MSI2: variants seen among roughly 807,000 people sequenced by gnomAD.
MSI2 encodes musashi RNA binding protein 2.
In MSI2, 17 loss-of-function variants were observed where a neutral mutation model predicts 45.6. The observed-to-expected ratio is 0.37, with a 90% confidence interval of 0.26 to 0.56. MSI2 has a LOEUF of 0.56. MSI2 is among the 20% of genes least tolerant of loss of function. MSI2 has a pLI of 0.77. For synonymous variants in MSI2, 156 were observed against 158.2 expected, an observed-to-expected ratio of 0.99 and a Z score of 0.11; for missense variants, 293 against 444.2, an observed-to-expected ratio of 0.66 and a Z score of 3.06.
At position 57,401,479 on chromosome 17, in the gene MSI2, C is replaced by CTGGATGGGGT. The variant is rs1433173404; in HGVS notation, c.405+16_405+25dup. ...TTCGAGCAGTTTGGCAAGGTAAGCG[C>CTGGATGGGGT]TGGATGGGGTTGGATGGCACATGCC... On this transcript the variant is annotated intron_variant, in intron 6 of 13. Coordinates refer to ENST00000284073, the MANE Select transcript of MSI2 (RefSeq NM_138962.4). 2 of 1,612,424 alleles carry CTGGATGGGGT rather than the reference C, an allele frequency of 1.2e-6. No individual in the cohort carries two copies. Among genetic ancestry groups the CTGGATGGGGT allele is most frequent in the Non-Finnish European group, 1.7e-6 (2 of 1,178,426 alleles).
intron 10 of MSI2, chr17:57,633,132 T>G (rs1567950178): frequency 2.9e-6 from 3 of 1,025,206 alleles, no homozygotes; most frequent in African/African-American, 3.4e-5. Flanking sequence ...GACGTTTTAT[T>G]TTTTTTCCCC....
chr17:57,437,697 C>G (rs2084715105), intron 6 of MSI2, among the ~76,000 whole-genome samples: 1 of 151,962 alleles, frequency 6.6e-6, no homozygotes, highest in East Asian at 1.9e-4. Flanking sequence ...AAAAGGTAAA[C>G]AGAGAACCCT....
intron 6 of MSI2, among the ~76,000 whole-genome samples, chr17:57,409,291 T>C (rs2084143917): frequency 6.6e-6 from 1 of 152,234 alleles, no homozygotes; most frequent in South Asian, 2.1e-4. Context: ...CTTTCTTTTC[T>C]ATCCAAGTTG....
At chr17:57,328,525 A>T (rs1914005093) in intron 5 of MSI2, among the ~76,000 whole-genome samples, 1 of 152,190 alleles carries the variant, frequency 6.6e-6, no homozygotes, top group African/African-American at 2.4e-5. Flanking sequence ...CACATTATAA[A>T]ATTAGACCCC....
chr17:57,515,580 T>C, intron 6 of MSI2, among the ~76,000 whole-genome samples: 1 of 152,168 alleles, frequency 6.6e-6, no homozygotes, highest in Non-Finnish European at 1.5e-5. Flanking sequence ...CGCTTATTTT[T>C]GTATTAATCC....
intron 6 of MSI2, among the ~76,000 whole-genome samples, chr17:57,500,963 GA>G (rs568851594): frequency 3.6e-3 from 514 of 141,846 alleles, no homozygotes; most frequent in African/African-American, 7.4e-3. Flanking sequence ...ACCCTGTCTT[GA>G]AAAAAAAAAA....
chr17:57,264,079 G>A (rs1907557149), intron 5 of MSI2: 1 of 152,162 alleles, frequency 6.6e-6, no homozygotes, highest in Non-Finnish European at 1.5e-5. Context: ...GAAGGTTTTT[G>A]TGTAGAGTAA....
At position 57,552,428 on chromosome 17, in the gene MSI2, G is replaced by C. The variant is rs963191496; in HGVS notation, c.454+22704G>C. Among the ~76,000 whole-genome samples the C allele has an allele frequency of 3.9e-5, 6 of 152,028 alleles. No individual in the cohort carries two copies. The highest frequency in any genetic ancestry group is 6.6e-5 in the Admixed American group (1 of 15,256). On this transcript the variant is annotated intron_variant, in intron 7 of 13. Transcript: ENST00000284073. The surrounding 1 kb of genome is among the most constrained non-coding windows in gnomAD (Gnocchi z 4.3). ...CTGCCCTGCTGCATCCAGCCCCTGG[G>C]TCTTCCACCTCCTGGCACGCTCTAG...
At chr17:57,676,052 C>T (rs979957287) in intron 12 of MSI2, among the ~76,000 whole-genome samples, 7 of 152,210 alleles carry the variant, frequency 4.6e-5, no homozygotes, top group Non-Finnish European at 8.8e-5. Context: ...AAGATGGGTG[C>T]GTCTGCAGTC....
At chr17:57,654,409 A>T (rs935808890) in intron 11 of MSI2, among the ~76,000 whole-genome samples, 1 of 152,240 alleles carries the variant, frequency 6.6e-6, no homozygotes, top group African/African-American at 2.4e-5. Context: ...TCTGCCAGTA[A>T]GGGGACTGTC....
intron 7 of MSI2, among the ~76,000 whole-genome samples, chr17:57,531,143 C>T (rs2086813518): frequency 6.6e-6 from 1 of 152,170 alleles, no homozygotes; most frequent in Non-Finnish European, 1.5e-5. Context: ...CATCCACATT[C>T]TGTCAATCTA....
At chr17:57,390,041 C>T (rs1032955227) in intron 5 of MSI2, among the ~76,000 whole-genome samples, 4 of 145,670 alleles carry the variant, frequency 2.7e-5, no homozygotes, top group African/African-American at 1.0e-4. Context: ...AGCTTGAGAC[C>T]AGCCTGCGTA....
intron 6 of MSI2, among the ~76,000 whole-genome samples, chr17:57,425,624 C>T (rs191920950): frequency 4.9e-4 from 75 of 152,306 alleles, no homozygotes; most frequent in African/African-American, 1.7e-3. Context: ...GATTGACTTA[C>T]GCAAACCCTT....
chr17:57,321,594 G>T (rs1913350483), intron 5 of MSI2, among the ~76,000 whole-genome samples: 1 of 152,136 alleles, frequency 6.6e-6, no homozygotes, highest in Non-Finnish European at 1.5e-5. Context: ...CAGCCGATTT[G>T]TCTTCTAGCT....
chr17:57,590,214 CAT>C (rs1904698796), intron 7 of MSI2, among the ~76,000 whole-genome samples: 1 of 152,112 alleles, frequency 6.6e-6, no homozygotes, highest in African/African-American at 2.4e-5. Context: ...TTAGATACTA[CAT>C]GATTGCCCAT....
At chr17:57,500,116 C>T (rs2086070399) in intron 6 of MSI2, among the ~76,000 whole-genome samples, 1 of 152,158 alleles carries the variant, frequency 6.6e-6, no homozygotes, top group South Asian at 2.1e-4. Context: ...TAGGAGAATA[C>T]AGTCTGCCAC....
intron 7 of MSI2, among the ~76,000 whole-genome samples, chr17:57,547,284 G>A (rs1411722862): frequency 2.6e-5 from 4 of 152,188 alleles, no homozygotes; most frequent in Non-Finnish European, 5.9e-5. Flanking sequence ...AGGCAGATGG[G>A]AACCCTCAGG....
At chr17:57,350,107 G>A (rs1235030879) in intron 5 of MSI2, among the ~76,000 whole-genome samples, 1 of 152,130 alleles carries the variant, frequency 6.6e-6, no homozygotes, top group African/African-American at 2.4e-5. Context: ...TAACTTACGT[G>A]TTCCAGTGAT....
chr17:57,484,938 C>T (rs879452504), intron 6 of MSI2, among the ~76,000 whole-genome samples: 1 of 152,230 alleles, frequency 6.6e-6, no homozygotes, highest in Non-Finnish European at 1.5e-5. Context: ...TTTCTGTAAA[C>T]TCCCCTGGGT....
Sources: allele counts gnomAD v4.1 joint callset (sites outside exome capture counted in the v4.1 genomes callset), GRCh38; gene constraint gnomAD v4.1.1; non-coding constraint Gnocchi (gnomAD v3.1); transcripts MANE v1.5; gene names NCBI Gene and HGNC (gene_info 2026-07-23, HGNC 2026-07-21).